The following DOK6 variants were observed in gnomAD, a reference collection of about 807,000 sequenced individuals.
DOK6 encodes downstream of tyrosine kinase 6.
A neutral mutation model predicts 44.0 loss-of-function variants in DOK6; 22 were observed. The ratio of observed to expected loss-of-function variants is 0.50; its 90% confidence interval spans 0.36 to 0.71. DOK6 has a LOEUF of 0.71. DOK6 is among the 30% of genes least tolerant of loss of function. The probability of loss-of-function intolerance (pLI) is 0.00; values close to 1 mark genes in which losing one functional copy is unlikely to be tolerated. For synonymous variants in DOK6, 166 were observed against 145.5 expected, an observed-to-expected ratio of 1.14 and a Z score of -1.01; for missense variants, 340 against 416.4, an observed-to-expected ratio of 0.82 and a Z score of 1.60.
chr18:69,747,604 C>A (rs187822517), intron 6 of DOK6, among the ~76,000 whole-genome samples: 33 of 150,646 alleles, frequency 2.2e-4, no homozygotes, highest in Non-Finnish European at 4.3e-4. Flanking sequence ...CCCCCTCCCC[C>A]CCACAGAAGA....
chr18:69,613,983 T>A (rs1378519039), intron 3 of DOK6, among the ~76,000 whole-genome samples: 2 of 138,750 alleles, frequency 1.4e-5, no homozygotes, highest in African/African-American at 5.4e-5. Flanking sequence ...TATTATACTT[T>A]TAAGTTTTAG....
At chr18:69,590,155 A>T (rs557631151) in intron 2 of DOK6, among the ~76,000 whole-genome samples, 78 of 152,306 alleles carry the variant, frequency 5.1e-4, no homozygotes, top group Non-Finnish European at 9.7e-4. Context: ...CAAATGAATA[A>T]GTAAATAAAT....
In DOK6 at chr18:69,579,870, G is replaced by A. The variant is rs140162875; in HGVS notation, c.174+15276G>A. Among the ~76,000 whole-genome samples, 1,013 of 152,216 alleles carry A rather than the reference G, an allele frequency of 6.7e-3. 15 individuals are homozygous for A. Among genetic ancestry groups the A allele is most frequent in the African/African-American group, 0.023 (972 of 41,530 alleles). On this transcript the variant is annotated intron_variant, in intron 2 of 7. Coordinates refer to ENST00000382713, the MANE Select transcript of DOK6 (RefSeq NM_152721.6). Reference sequence around the variant, plus strand: ...TCCTCGTGGAGCGGTCGATCCGCCCGCCTCAACCCCCCAAATTGCTGGGAT... The same window carrying A: ...TCCTCGTGGAGCGGTCGATCCGCCCACCTCAACCCCCCAAATTGCTGGGAT...
chr18:69,578,195 T>G (rs1461457241), intron 2 of DOK6, among the ~76,000 whole-genome samples: 1 of 152,192 alleles, frequency 6.6e-6, no homozygotes, highest in Non-Finnish European at 1.5e-5. Context: ...CTTTTTAAAT[T>G]TATCCATTTT....
chr18:69,506,130 A>T (rs1300966469), intron 1 of DOK6, among the ~76,000 whole-genome samples: 3 of 152,084 alleles, frequency 2.0e-5, no homozygotes, highest in South Asian at 4.1e-4. Flanking sequence ...GCAATCTTTG[A>T]CATTTATTTT....
intron 1 of DOK6, among the ~76,000 whole-genome samples, chr18:69,505,307 A>G (rs1981151567): frequency 1.3e-5 from 2 of 151,990 alleles, no homozygotes; most frequent in Admixed American, 1.3e-4. Flanking sequence ...TTTTTATATA[A>G]TTGGCCAAGT....
At chr18:69,607,033 A>G (rs1327471004) in intron 3 of DOK6, among the ~76,000 whole-genome samples, 2 of 152,216 alleles carry the variant, frequency 1.3e-5, no homozygotes, top group East Asian at 3.8e-4. Context: ...CCTGGGTCAG[A>G]TACAATAATT....
rs151305371 is a variant in DOK6, at chr18:69,644,065, T to C, written c.290-33669T>C. ...CATATATCCTCTTCATTCAAATGTCTGTTCACGTATTTTGCCCATTTTCTA... is the reference window on the plus strand; with the variant it reads ...CATATATCCTCTTCATTCAAATGTCCGTTCACGTATTTTGCCCATTTTCTA... On this transcript the variant is annotated intron_variant, in intron 3 of 7. Coordinates refer to ENST00000382713, the MANE Select transcript of DOK6 (RefSeq NM_152721.6). Among the ~76,000 whole-genome samples the C allele has an allele frequency of 2.7e-3, 418 of 152,342 alleles. 4 individuals are homozygous for C. Among genetic ancestry groups the C allele is most frequent in the African/African-American group, 9.8e-3 (408 of 41,580 alleles).
intron 4 of DOK6, among the ~76,000 whole-genome samples, chr18:69,680,486 G>T (rs147462462): frequency 5.2e-4 from 79 of 152,284 alleles, no homozygotes; most frequent in African/African-American, 1.9e-3. Flanking sequence ...GAGCCAGCTA[G>T]AACTTTTTAA....
At chr18:69,701,834 T>G (rs976975877) in intron 5 of DOK6, among the ~76,000 whole-genome samples, 1 of 152,190 alleles carries the variant, frequency 6.6e-6, no homozygotes, top group African/African-American at 2.4e-5. Context: ...GCAAATGTTA[T>G]ATGTCATACA....
chr18:69,401,258 T>G lies in DOK6; in HGVS notation c.14T>G (p.Phe5Cys). The change falls in exon 1 of 8, where the codon TTT becomes TGT. Residue 5 changes from phenylalanine (F) to cysteine (C), a missense_variant. Coordinates refer to ENST00000382713, the MANE Select transcript of DOK6 (RefSeq NM_152721.6). ...ATCGCGCTGGCCATGGCCTCCAACTTTAACGACATAGTCAAGCAGGGCTAC... is the reference window on the plus strand; with the variant it reads ...ATCGCGCTGGCCATGGCCTCCAACTGTAACGACATAGTCAAGCAGGGCTAC... Reference protein sequence around the residue: MASNFNDIVKQGYVK... With the variant: MASNCNDIVKQGYVK... 6.3e-7 allele frequency: 1 copy of G among 1,578,988 alleles called. No individual in the cohort carries two copies.
intron 1 of DOK6, among the ~76,000 whole-genome samples, chr18:69,465,455 G>T (rs913142545): frequency 2.0e-5 from 3 of 147,450 alleles, no homozygotes; most frequent in South Asian, 4.4e-4. Context: ...ATCCCTCCCC[G>T]CTCCCCCCAC....
chr18:69,713,117 C>T (rs1013274261), intron 5 of DOK6, among the ~76,000 whole-genome samples: 5 of 152,084 alleles, frequency 3.3e-5, no homozygotes, highest in African/African-American at 1.2e-4. Context: ...ATATTCAGGA[C>T]GCCCAGATCA....
At chr18:69,557,376 C>T (rs777217302) in intron 1 of DOK6, among the ~76,000 whole-genome samples, 2 of 152,102 alleles carry the variant, frequency 1.3e-5, no homozygotes, top group South Asian at 2.1e-4. Context: ...AGCTAAATAA[C>T]GTAATTACGG....
chr18:69,545,153 CA>C (rs1290775091), intron 1 of DOK6, among the ~76,000 whole-genome samples: 1 of 150,412 alleles, frequency 6.6e-6, no homozygotes, highest in Non-Finnish European at 1.5e-5. Flanking sequence ...TATCAGAAAA[CA>C]TGGCTTTTTC....
intron 5 of DOK6, among the ~76,000 whole-genome samples, chr18:69,722,476 G>C (rs1283831448): frequency 6.6e-6 from 1 of 152,156 alleles, no homozygotes. Flanking sequence ...CATCGCTTTG[G>C]TGCCTGTCTC....
chr18:69,794,715 G>C (rs1048761324), intron 7 of DOK6, among the ~76,000 whole-genome samples: 5 of 152,294 alleles, frequency 3.3e-5, no homozygotes, highest in African/African-American at 9.6e-5. Flanking sequence ...GGGCAAGCTA[G>C]TGAAGCTTCA....
rs78469469 is a variant in DOK6 at position 69,715,282 on chromosome 18, G to A, written c.599+16689G>A. ...TAATTTAGAATTAAGTGATGATGACGTCCTGGCAAAATGTAAGCACACCAT... is the reference window on the plus strand; with the variant it reads ...TAATTTAGAATTAAGTGATGATGACATCCTGGCAAAATGTAAGCACACCAT... On this transcript the variant is annotated intron_variant, in intron 5 of 7. Transcript: ENST00000382713. Among the ~76,000 whole-genome samples, 559 of 152,222 alleles carry A rather than the reference G, an allele frequency of 3.7e-3. 6 individuals are homozygous for A. The highest frequency in any genetic ancestry group is 0.013 in the African/African-American group (541 of 41,544).
At chr18:69,447,728 T>A (rs1979336964) in intron 1 of DOK6, among the ~76,000 whole-genome samples, 1 of 152,240 alleles carries the variant, frequency 6.6e-6, no homozygotes, top group Admixed American at 6.5e-5. Flanking sequence ...AAGCTGAGGT[T>A]ATTTTCTGCT....
Sources: allele counts gnomAD v4.1 joint callset (sites outside exome capture counted in the v4.1 genomes callset), GRCh38; gene constraint gnomAD v4.1.1; transcripts MANE v1.5; gene names NCBI Gene and HGNC (gene_info 2026-07-23, HGNC 2026-07-21).